The following UBE2E2 variants were observed in gnomAD, a reference collection of about 807,000 sequenced individuals.
The protein encoded by UBE2E2 is ubiquitin-conjugating enzyme E2 E2.
Under a neutral mutation model 24.7 loss-of-function variants are expected in UBE2E2, and 6 were observed. The ratio of observed to expected loss-of-function variants is 0.24; its 90% CI spans 0.13 to 0.48. UBE2E2 has a LOEUF of 0.48. UBE2E2 is among the 20% of genes least tolerant of loss of function. The pLI is 0.99. For synonymous variants in UBE2E2, 104 were observed against 83.6 expected (o/e 1.24, Z -1.33); for missense variants, 169 against 245.0 (o/e 0.69, Z 2.07).
At chr3:23,524,603 G>A (rs1419990394) in intron 4 of UBE2E2, among the ~76,000 whole-genome samples, 1 of 152,144 alleles carries the variant, frequency 6.6e-6, no homozygotes, top group Non-Finnish European at 1.5e-5. Context: ...CATGGATCAT[G>A]GAACTAGAAT....
intron 3 of UBE2E2, among the ~76,000 whole-genome samples, chr3:23,496,742 A>G (rs1498811): frequency 0.62 from 94,511 of 151,880 alleles, 30,130 homozygotes; most frequent in African/African-American, 0.74. Context: ...TCTTCTGGTG[A>G]TACACACATG....
chr3:23,297,051 G>C (rs2125255725), intron 3 of UBE2E2, among the ~76,000 whole-genome samples: 1 of 152,336 alleles, frequency 6.6e-6, no homozygotes, highest in Non-Finnish European at 1.5e-5. Context: ...GCATTTCTCT[G>C]ATGGCCGGTG....
intron 3 of UBE2E2, among the ~76,000 whole-genome samples, chr3:23,317,026 A>C (rs974398214): frequency 6.6e-6 from 1 of 152,108 alleles, no homozygotes; most frequent in Non-Finnish European, 1.5e-5. Context: ...CCTCAAGAAG[A>C]AGGAAAGGGC....
intron 3 of UBE2E2, among the ~76,000 whole-genome samples, chr3:23,354,888 C>G (rs1313026828): frequency 6.6e-6 from 1 of 152,088 alleles, no homozygotes; most frequent in African/African-American, 2.4e-5. Context: ...GGTATATACC[C>G]AAAGAACTAT....
chr3:23,553,209 A>G (rs1245979077), intron 5 of UBE2E2, among the ~76,000 whole-genome samples: 1 of 152,254 alleles, frequency 6.6e-6, no homozygotes, highest in South Asian at 2.1e-4. Flanking sequence ...AAAATGCTCT[A>G]TATTTCCCTT....
intron 3 of UBE2E2, among the ~76,000 whole-genome samples, chr3:23,485,519 C>A (rs1490730989): frequency 6.6e-6 from 1 of 152,004 alleles, no homozygotes; most frequent in African/African-American, 2.4e-5. Flanking sequence ...GCCTTTCTTC[C>A]CCTATTAAAA....
chr3:23,229,407 C>G (rs769717841), intron 3 of UBE2E2, among the ~76,000 whole-genome samples: 7 of 152,160 alleles, frequency 4.6e-5, no homozygotes, highest in Admixed American at 1.3e-4. Context: ...ACAGTATACA[C>G]TGAACCCAGT....
intron 3 of UBE2E2, among the ~76,000 whole-genome samples, chr3:23,261,696 A>T (rs1341078064): frequency 1.3e-5 from 2 of 152,158 alleles, no homozygotes; most frequent in Non-Finnish European, 2.9e-5. Context: ...TTTAGATTTC[A>T]TTCGTAAGTG....
In UBE2E2 at chr3:23,291,849, A is replaced by ATTTTTTTTTT. The variant is rs57708620; in HGVS notation, c.227+74555_227+74564dup. ...AGATGTGTGCCACCATGCCCGGCTA[A>ATTTTTTTTTT]TTTTTTTTTTTTTTTTTTTTTTTTT... is the stretch of plus-strand genomic sequence containing the variant. On this transcript the variant is annotated intron_variant, in intron 3 of 5. Coordinates refer to ENST00000396703, the MANE Select transcript of UBE2E2 (RefSeq NM_152653.4). Among the ~76,000 whole-genome samples the ATTTTTTTTTT allele has an allele frequency of 7.2e-4, 46 of 64,034 alleles. 3 individuals are homozygous for ATTTTTTTTTT. The highest frequency in any genetic ancestry group is 1.9e-3 in the African/African-American group (26 of 14,032). 42.0% of individuals were successfully genotyped at this position (64,034 alleles called of 152,430 possible).
intron 3 of UBE2E2, among the ~76,000 whole-genome samples, chr3:23,488,504 G>C (rs1359097845): frequency 6.6e-6 from 1 of 152,082 alleles, no homozygotes; most frequent in Non-Finnish European, 1.5e-5. Flanking sequence ...CTGTCCCTCA[G>C]ATCTGCCCCA....
intron 3 of UBE2E2, among the ~76,000 whole-genome samples, chr3:23,318,688 A>C (rs889085329): frequency 1.3e-5 from 2 of 152,148 alleles, no homozygotes; most frequent in African/African-American, 4.8e-5. Context: ...CTTACCACTT[A>C]TTCACTACCA....
At chr3:23,218,456 A>T (rs888666880) in intron 3 of UBE2E2, among the ~76,000 whole-genome samples, 2 of 152,072 alleles carry the variant, frequency 1.3e-5, no homozygotes, top group Admixed American at 1.3e-4. Context: ...TTGGTGGTCA[A>T]TGATTATAAG....
chr3:23,274,673 A>G (rs1698337651), intron 3 of UBE2E2, among the ~76,000 whole-genome samples: 1 of 152,056 alleles, frequency 6.6e-6, no homozygotes, highest in Non-Finnish European at 1.5e-5. Context: ...AGCCTAAGAA[A>G]CTGATTTTCA....
At chr3:23,364,391 A>C (rs1247150536) in intron 3 of UBE2E2, among the ~76,000 whole-genome samples, 1 of 151,826 alleles carries the variant, frequency 6.6e-6, no homozygotes, top group Non-Finnish European at 1.5e-5. Context: ...AGACTAATAG[A>C]GAGAGAGACA....
chr3:23,301,401 A>T (rs1699084613), intron 3 of UBE2E2, among the ~76,000 whole-genome samples: 1 of 151,840 alleles, frequency 6.6e-6, no homozygotes, highest in African/African-American at 2.4e-5. Flanking sequence ...TTATTTTCCC[A>T]TGTTTGTGGT....
intron 3 of UBE2E2, among the ~76,000 whole-genome samples, chr3:23,327,717 G>A (rs542246118): frequency 3.3e-5 from 5 of 152,226 alleles, no homozygotes; most frequent in South Asian, 2.1e-4. Flanking sequence ...GCAAAGGCTC[G>A]ACAAAATTTT....
At chr3:23,211,634 G>T (rs527813119) in intron 2 of UBE2E2, among the ~76,000 whole-genome samples, 9 of 152,104 alleles carry the variant, frequency 5.9e-5, no homozygotes, top group African/African-American at 2.2e-4. Flanking sequence ...GGTTGCAAGC[G>T]ATCCTCCTGC....
At chr3:23,498,893 A>G (rs889988647) in intron 3 of UBE2E2, among the ~76,000 whole-genome samples, 3 of 152,134 alleles carry the variant, frequency 2.0e-5, no homozygotes, top group Admixed American at 6.5e-5. Context: ...ATTCTCTGAA[A>G]CTCAGAGACA....
At chr3:23,571,354 A>G (rs1696225178) in intron 5 of UBE2E2, among the ~76,000 whole-genome samples, 1 of 131,886 alleles carries the variant, frequency 7.6e-6, no homozygotes, top group Non-Finnish European at 1.6e-5. Context: ...CAGTGGCACA[A>G]TCTCAGCTCA....
Sources: gnomAD v4.1 joint callset for allele counts (sites outside exome capture counted in the v4.1 genomes callset) on GRCh38, gnomAD v4.1.1 for gene constraint, MANE v1.5 for transcripts, NCBI Gene and HGNC (gene_info 2026-07-23, HGNC 2026-07-21) for gene names.